The following GALNT17 variants were observed in gnomAD, a reference collection of about 807,000 sequenced individuals.
The protein encoded by GALNT17 is polypeptide N-acetylgalactosaminyltransferase 17, also known as UDP-GalNAc:polypeptide N-acetylgalactosaminyltransferase-like 3.
In GALNT17, 29 loss-of-function variants were observed where a neutral mutation model predicts 63.7. The observed-to-expected ratio is 0.46, with a 90% confidence interval of 0.34 to 0.62. The LOEUF is 0.62. Ranked by LOEUF, GALNT17 falls within the 20% of genes least tolerant of loss-of-function variation. The pLI is 0.01. For missense variants in GALNT17, 603 were observed against 799.6 expected (o/e 0.75, Z 2.97); for synonymous variants, 305 against 318.3 (o/e 0.96, Z 0.45).
At chr7:71,320,835 C>T (rs570433516) in intron 1 of GALNT17, among the ~76,000 whole-genome samples, 12 of 152,224 alleles carry the variant, frequency 7.9e-5, no homozygotes, top group Non-Finnish European at 1.6e-4. Flanking sequence ...CTTCTGATTT[C>T]ATAATTTACC....
chr7:71,639,577 A>G (rs1045440186), intron 6 of GALNT17, among the ~76,000 whole-genome samples: 12 of 152,236 alleles, frequency 7.9e-5, no homozygotes, highest in Middle Eastern at 3.4e-3. Flanking sequence ...ACTCCCTGCT[A>G]CCTCTGCCAT....
At chr7:71,477,896 G>A (rs902571078) in intron 5 of GALNT17, among the ~76,000 whole-genome samples, 1 of 152,032 alleles carries the variant, frequency 6.6e-6, no homozygotes, top group East Asian at 1.9e-4. Context: ...GCCGACATGC[G>A]ACATGAGCTG....
chr7:71,218,652 A>G (rs76689569), intron 1 of GALNT17, among the ~76,000 whole-genome samples: 10,171 of 152,022 alleles, frequency 0.067, 654 homozygotes, highest in African/African-American at 0.17. Flanking sequence ...CTTCATCTGT[A>G]TTTACAGCTG....
At chr7:71,635,411 C>A (rs1790515096) in intron 6 of GALNT17, among the ~76,000 whole-genome samples, 2 of 152,136 alleles carry the variant, frequency 1.3e-5, no homozygotes, top group Admixed American at 1.3e-4. Flanking sequence ...CCATCATGGC[C>A]TGAAACAGTC....
At chr7:71,437,405 A>G (rs921226309) in intron 5 of GALNT17, among the ~76,000 whole-genome samples, 1 of 152,212 alleles carries the variant, frequency 6.6e-6, no homozygotes, top group African/African-American at 2.4e-5. Flanking sequence ...TGTTCAAACA[A>G]TCAGCTGGGA....
chr7:71,695,481 T>C (rs1451304303), intron 9 of GALNT17, among the ~76,000 whole-genome samples: 1 of 152,206 alleles, frequency 6.6e-6, no homozygotes, highest in Non-Finnish European at 1.5e-5. Flanking sequence ...TCTGGTTCCA[T>C]AGCATGCTTT....
chr7:71,674,936 A>G (rs1218506069), intron 8 of GALNT17, among the ~76,000 whole-genome samples: 3 of 152,242 alleles, frequency 2.0e-5, no homozygotes, highest in African/African-American at 7.2e-5. Context: ...CTGTATTTCC[A>G]GCACTTTGGG....
intron 5 of GALNT17, among the ~76,000 whole-genome samples, chr7:71,436,226 G>T (rs1457247510): frequency 6.6e-6 from 1 of 151,944 alleles, no homozygotes. Context: ...CTGTAGTCTC[G>T]GACACTCAGG....
intron 5 of GALNT17, among the ~76,000 whole-genome samples, chr7:71,437,516 C>T (rs558536252): frequency 2.8e-4 from 43 of 152,302 alleles, no homozygotes; most frequent in South Asian, 1.5e-3. Context: ...CAAGGTGACA[C>T]GGGATATCAC....
At chr7:71,273,575 A>G (rs948500060) in intron 1 of GALNT17, among the ~76,000 whole-genome samples, 1 of 152,210 alleles carries the variant, frequency 6.6e-6, no homozygotes, top group Non-Finnish European at 1.5e-5. Context: ...GTAGACAATG[A>G]AGTATTCCTG....
intron 1 of GALNT17, among the ~76,000 whole-genome samples, chr7:71,234,326 A>G (rs1789846492): frequency 6.6e-6 from 1 of 152,132 alleles, no homozygotes; most frequent in African/African-American, 2.4e-5. Context: ...CAGTGGCGCA[A>G]TCTCGGCTCA....
chr7:71,521,540 C>T lies in GALNT17; in HGVS notation c.963-49745C>T, dbSNP rs111978355. ...AGCCTCCTTGTGCTAATGTGGCAGC[C>T]TTTCTGCCTCCTGTGGGTAAGGACT... On this transcript the variant is annotated intron_variant, in intron 5 of 10. Transcript: ENST00000333538. 4.8e-3 allele frequency among the ~76,000 whole-genome samples: 736 copies of T among 152,348 alleles called. 4 individuals are homozygous for T. Among genetic ancestry groups the T allele is most frequent in the Non-Finnish European group, 8.0e-3 (542 of 68,038 alleles).
Position 71,524,554 on chromosome 7 carries a change from G to A in GALNT17, c.963-46731G>A, listed in dbSNP as rs1788593457. 2.6e-5 allele frequency among the ~76,000 whole-genome samples: 4 copies of A among 152,134 alleles called. No homozygotes were observed. The South Asian group carries it at 8.3e-4, about 32-fold the overall frequency. On this transcript the variant is annotated intron_variant, in intron 5 of 10. Coordinates refer to ENST00000333538, the MANE Select transcript of GALNT17 (RefSeq NM_022479.3). ...CTGGTTGAATCGATGGCCACGGTAT[G>A]CCAGAAGCATTCCCTAAAACATTTG...
chr7:71,623,712 C>T (rs773399967), intron 6 of GALNT17, among the ~76,000 whole-genome samples: 13 of 152,176 alleles, frequency 8.5e-5, no homozygotes, highest in South Asian at 2.1e-4. Context: ...CTGGGATTAC[C>T]GGCGTGAGCC....
chr7:71,595,774 C>T (rs1396604239), intron 6 of GALNT17, among the ~76,000 whole-genome samples: 1 of 151,962 alleles, frequency 6.6e-6, no homozygotes, highest in Non-Finnish European at 1.5e-5. Flanking sequence ...TTGGCCAAGA[C>T]AACTACAGAT....
intron 3 of GALNT17, among the ~76,000 whole-genome samples, chr7:71,397,180 C>T (rs1254416786): frequency 6.6e-6 from 1 of 152,022 alleles, no homozygotes; most frequent in Non-Finnish European, 1.5e-5. Flanking sequence ...CCTACCATGT[C>T]AAGGATGAGA....
rs143958540 is a variant in GALNT17 at position 71,576,101 on chromosome 7, C to T, written c.1080+4699C>T. Reference sequence around the variant, plus strand: ...CTTTAAAATGATGTAAAGTCATTCTCTAATATATCAGTCCATTTACGAAGA... The same window carrying T: ...CTTTAAAATGATGTAAAGTCATTCTTTAATATATCAGTCCATTTACGAAGA... On this transcript the variant is annotated intron_variant, in intron 6 of 10. Transcript: ENST00000333538. Among the ~76,000 whole-genome samples the T allele has an allele frequency of 1.1e-4, 17 of 152,248 alleles. No individual in the cohort carries two copies. In the East Asian group the frequency reaches 2.5e-3, roughly 22 times the overall value.
chr7:71,376,167 T>G (rs558086163), intron 2 of GALNT17, among the ~76,000 whole-genome samples: 79 of 152,282 alleles, frequency 5.2e-4, no homozygotes, highest in African/African-American at 1.7e-3. Context: ...ATTTATTATT[T>G]CTAATTTGCA....
intron 2 of GALNT17, among the ~76,000 whole-genome samples, chr7:71,337,907 A>G (rs1466936783): frequency 4.0e-5 from 6 of 151,792 alleles, no homozygotes; most frequent in Non-Finnish European, 7.4e-5. Context: ...ACAACAAAAA[A>G]ACTTGGGGCT....
Sources: allele counts gnomAD v4.1 joint callset (sites outside exome capture counted in the v4.1 genomes callset), GRCh38; gene constraint gnomAD v4.1.1; transcripts MANE v1.5; gene names NCBI Gene and HGNC (gene_info 2026-07-23, HGNC 2026-07-21).